GNPAT: variants seen among roughly 807,000 people sequenced by gnomAD.
The protein encoded by GNPAT is dihydroxyacetone phosphate acyltransferase.
Under a neutral mutation model 78.4 loss-of-function variants are expected in GNPAT, and 30 were observed. The observed-to-expected ratio is 0.38, with a 90% confidence interval of 0.29 to 0.52. GNPAT has a LOEUF of 0.52. Among genes scored for constraint, GNPAT ranks in the 20% least tolerant of loss-of-function variants. The probability of loss-of-function intolerance (pLI) is 0.84; values close to 1 mark genes in which losing one functional copy is unlikely to be tolerated. For missense variants in GNPAT, 714 were observed against 812.2 expected (o/e 0.88, Z 1.47); for synonymous variants, 271 against 281.1 (o/e 0.96, Z 0.36).
chr1:231,259,297 A>T (rs1381484499), intron 2 of GNPAT, among the ~76,000 whole-genome samples: 1 of 152,150 alleles, frequency 6.6e-6, no homozygotes, highest in Non-Finnish European at 1.5e-5. Context: ...CAAGATAGAG[A>T]TGGTGGTTGC....
intron 9 of GNPAT, among the ~76,000 whole-genome samples, chr1:231,270,329 TTGTA>T (rs968169958): frequency 2.0e-5 from 3 of 152,194 alleles, no homozygotes; most frequent in Non-Finnish European, 2.9e-5. Context: ...TGTGTGTGTG[TTGTA>T]TGTTTTAATG....
chr1:231,264,448 A>G (rs1685317065), intron 4 of GNPAT, among the ~76,000 whole-genome samples: 1 of 152,208 alleles, frequency 6.6e-6, no homozygotes, highest in Admixed American at 6.5e-5. Flanking sequence ...TGGGATTGCT[A>G]AGGCATATAA....
chr1:231,263,767 A>G (rs1240019961), intron 4 of GNPAT, among the ~76,000 whole-genome samples: 2 of 151,878 alleles, frequency 1.3e-5, no homozygotes, highest in Non-Finnish European at 2.9e-5. Flanking sequence ...TTATTTTCTG[A>G]TATGTTTTAT....
At chr1:231,257,481 T>G (rs115770537) in intron 2 of GNPAT, among the ~76,000 whole-genome samples, 5 of 152,312 alleles carry the variant, frequency 3.3e-5, no homozygotes, top group African/African-American at 1.2e-4. Flanking sequence ...TCTTTTATTG[T>G]TACACACTCT....
At position 231,250,974 on chromosome 1, in the gene GNPAT, A is replaced by C; in HGVS notation, c.92A>C (p.Lys31Thr). 1 of 1,610,356 alleles carries C rather than the reference A, an allele frequency of 6.2e-7. No individual in the cohort carries two copies. The highest frequency in any genetic ancestry group is 1.1e-5 in the South Asian group (1 of 90,990). ...CCTTATCCACAGAAGGAGCTCAAAAAGTGGGATGAGTTTGAAGATATTTTA... is the reference window on the plus strand; with the variant it reads ...CCTTATCCACAGAAGGAGCTCAAAACGTGGGATGAGTTTGAAGATATTTTA... ...VVLLYSKELKKWDEFEDILEE... is the reference protein window; with the variant it reads ...VVLLYSKELKTWDEFEDILEE... The change falls in exon 2 of 16, where the codon AAG becomes ACG. Residue 31 changes from lysine to threonine, a missense_variant. Lys to Thr is a moderately conservative substitution (Grantham distance 78). Coordinates refer to ENST00000366647, the MANE Select transcript of GNPAT (RefSeq NM_014236.4).
intron 2 of GNPAT, among the ~76,000 whole-genome samples, chr1:231,252,951 C>T (rs748644732): frequency 1.2e-4 from 18 of 152,018 alleles, no homozygotes; most frequent in Non-Finnish European, 2.2e-4. Context: ...TGCCTGTTAC[C>T]TCCAGTTTTT....
chr1:231,275,561 C>T (rs1301192645), intron 14 of GNPAT, 63 bp downstream of exon 14: 1 of 929,446 alleles, frequency 1.1e-6, no homozygotes, highest in African/African-American at 1.6e-5. Context: ...CATTTGAGCT[C>T]AAAATCCAGA....
At chr1:231,250,218 G>T (rs992487539) in intron 1 of GNPAT, among the ~76,000 whole-genome samples, 23 of 151,980 alleles carry the variant, frequency 1.5e-4, no homozygotes, top group African/African-American at 5.6e-4. Flanking sequence ...CTCCCAAAGT[G>T]CTGGAATTAC....
intron 4 of GNPAT, among the ~76,000 whole-genome samples, 178 bp from the exon 5 acceptor site, chr1:231,265,115 G>A (rs1685338375): frequency 2.0e-5 from 3 of 152,206 alleles, no homozygotes; most frequent in Non-Finnish European, 4.4e-5. Flanking sequence ...TACTTTGGGA[G>A]GCCGAGGCAG....
intron 11 of GNPAT, 35 bp from the exon 12 acceptor site, chr1:231,273,887 C>T: frequency 1.3e-6 from 2 of 1,590,840 alleles, no homozygotes; most frequent in Non-Finnish European, 1.7e-6. Flanking sequence ...ACCCATTAAC[C>T]TAGATGAACA....
intron 9 of GNPAT, among the ~76,000 whole-genome samples, chr1:231,268,921 T>C (rs1409693474): frequency 1.4e-5 from 2 of 139,224 alleles, no homozygotes; most frequent in African/African-American, 5.4e-5. Context: ...AAAAAAAAAA[T>C]TGTACAGGCT....
chr1:231,273,312 C>T (rs1011041983), intron 11 of GNPAT, among the ~76,000 whole-genome samples: 10 of 139,856 alleles, frequency 7.2e-5, no homozygotes, highest in East Asian at 4.2e-4. Flanking sequence ...AGTGCAGTGG[C>T]GCAATCTCAG....
intron 2 of GNPAT, among the ~76,000 whole-genome samples, chr1:231,257,307 T>A (rs1398652787): frequency 6.6e-6 from 1 of 152,126 alleles, no homozygotes; most frequent in Non-Finnish European, 1.5e-5. Flanking sequence ...TCTGCCTCGT[T>A]TCCCTCTTTC....
At chr1:231,268,657 C>G (rs919605496) in intron 9 of GNPAT, among the ~76,000 whole-genome samples, 1 of 151,786 alleles carries the variant, frequency 6.6e-6, no homozygotes, top group Non-Finnish European at 1.5e-5. Flanking sequence ...CCTGTAATCC[C>G]AGCACTTTGG....
At chr1:231,246,628 A>G (rs1005966220) in intron 1 of GNPAT, among the ~76,000 whole-genome samples, 4 of 152,236 alleles carry the variant, frequency 2.6e-5, no homozygotes, top group African/African-American at 9.6e-5. Flanking sequence ...GTGAGTAGCC[A>G]TGTAAATTTA....
intron 2 of GNPAT, among the ~76,000 whole-genome samples, chr1:231,258,622 ATTTTTT>A (rs748666053): frequency 1.4e-5 from 1 of 73,762 alleles, no homozygotes; most frequent in African/African-American, 5.9e-5. Context: ...TTTTAATGCA[ATTTTTT>A]TTTTTTTTTT....
chr1:231,246,755 T>A (rs1684760326), intron 1 of GNPAT, among the ~76,000 whole-genome samples: 1 of 152,200 alleles, frequency 6.6e-6, no homozygotes, highest in African/African-American at 2.4e-5. Flanking sequence ...TAAAAAGAAT[T>A]TGGACAGCTG....
chr1:231,267,318 G>A (rs1685416848), intron 8 of GNPAT, among the ~76,000 whole-genome samples: 1 of 152,164 alleles, frequency 6.6e-6, no homozygotes, highest in Non-Finnish European at 1.5e-5. Context: ...GTTCTACAAT[G>A]GAGATATGTT....
rs762803958 is a variant in GNPAT at position 231,270,772 on chromosome 1, G to A, written c.1294G>A (p.Glu432Lys). Residue 432 changes from glutamate to lysine, a missense_variant, in exon 10 of 16, where the codon GAA becomes AAA. Coordinates refer to ENST00000366647, the MANE Select transcript of GNPAT (RefSeq NM_014236.4). The part of the protein sequence containing the change: ...FLIWPDNKPA[E>K]EVVPASILLH... ...TTTGTGTGTAGATAATAAACCTGCT[G>A]AAGAAGTTGTCCCGGCCAGCATTCT... is the stretch of plus-strand genomic sequence containing the variant. 2.0e-5 allele frequency: 33 copies of A among 1,613,934 alleles called. No individual in the cohort carries two copies. The highest frequency in any genetic ancestry group is 2.7e-5 in the Non-Finnish European group (32 of 1,179,968).
Sources: allele counts gnomAD v4.1 joint callset (sites outside exome capture counted in the v4.1 genomes callset), GRCh38; gene constraint gnomAD v4.1.1; transcripts MANE v1.5; gene names NCBI Gene and HGNC (gene_info 2026-07-23, HGNC 2026-07-21).